Variants in ZFHX3 observed in about 807,000 individuals in gnomAD.
The protein encoded by ZFHX3 is zinc finger homeobox 3, also known as zinc finger homeobox protein 3.
Under a neutral mutation model 279.1 loss-of-function variants are expected in ZFHX3, and 42 were observed. The ratio of observed to expected loss-of-function variants is 0.15; its 90% confidence interval spans 0.12 to 0.19. The LOEUF is 0.19. Ranked by LOEUF, ZFHX3 falls within the 10% of genes least tolerant of loss-of-function variation. The pLI, the probability that ZFHX3 is intolerant of heterozygous loss-of-function variation, is 1.00. For synonymous variants in ZFHX3, 2,293 were observed against 1,957.8 expected (o/e 1.17, Z -4.52); for missense variants, 4,981 against 4,754.0 (o/e 1.05, Z -1.40).
chr16:72,920,075 G>A (rs1420504175), intron 3 of ZFHX3, among the ~76,000 whole-genome samples: 1 of 151,854 alleles, frequency 6.6e-6, no homozygotes, highest in Non-Finnish European at 1.5e-5. Context: ...TTACAGGCAT[G>A]AGCTACTGCG....
chr16:72,827,703 C>T (rs997366957), intron 5 of ZFHX3, among the ~76,000 whole-genome samples: 4 of 152,316 alleles, frequency 2.6e-5, no homozygotes, highest in African/African-American at 9.6e-5. Context: ...ACATTCAGGG[C>T]CTTCCTTTGA....
intron 2 of ZFHX3, among the ~76,000 whole-genome samples, chr16:73,539,428 T>C (rs941235387): frequency 5.3e-5 from 7 of 133,062 alleles, no homozygotes; most frequent in African/African-American, 2.2e-4. Flanking sequence ...TCCCTTCCTC[T>C]TCTTCTTTTT....
intron 1 of ZFHX3, among the ~76,000 whole-genome samples, chr16:72,980,952 AT>A (rs913545137): frequency 0.01 from 1,542 of 150,884 alleles, 22 homozygotes; most frequent in African/African-American, 0.034. Flanking sequence ...TTATACAGTA[AT>A]TTTTTTTTTC....
chr16:72,835,303 G>A (rs1051894376), intron 4 of ZFHX3, among the ~76,000 whole-genome samples: 19 of 152,098 alleles, frequency 1.2e-4, no homozygotes, highest in South Asian at 8.3e-4. Flanking sequence ...TCTGACAGGC[G>A]AGATGTGCAC....
At chr16:73,772,420 G>T (rs566784743) in intron 1 of ZFHX3, among the ~76,000 whole-genome samples, 2 of 152,130 alleles carry the variant, frequency 1.3e-5, no homozygotes, top group Non-Finnish European at 1.5e-5. Flanking sequence ...GCCATCACGC[G>T]AACAGCATGG....
chr16:73,661,131 A>G (rs1567545113), intron 2 of ZFHX3, among the ~76,000 whole-genome samples: 1 of 152,360 alleles, frequency 6.6e-6, no homozygotes, highest in East Asian at 1.9e-4. Flanking sequence ...TGACTTAAAT[A>G]AGAATATCTG....
At chr16:73,004,613 TTTCA>T (rs1298847607) in intron 1 of ZFHX3, among the ~76,000 whole-genome samples, 1 of 151,924 alleles carries the variant, frequency 6.6e-6, no homozygotes, top group Non-Finnish European at 1.5e-5. Context: ...CACCTGGCTG[TTTCA>T]TTCATTTTTA....
At chr16:73,182,351 G>T (rs1198087967) in intron 5 of ZFHX3, among the ~76,000 whole-genome samples, 12 of 152,166 alleles carry the variant, frequency 7.9e-5, no homozygotes, top group Admixed American at 7.2e-4. Context: ...CAGCTACTCG[G>T]GAGGCTGAGG....
At chr16:73,044,011 C>T (rs1965208035) in intron 1 of ZFHX3, among the ~76,000 whole-genome samples, 2 of 152,206 alleles carry the variant, frequency 1.3e-5, no homozygotes, top group Admixed American at 1.3e-4. Context: ...GTGCTCCTTT[C>T]TCAATCTGAG....
chr16:73,364,898 AG>A (rs1247452360), intron 3 of ZFHX3, among the ~76,000 whole-genome samples: 1 of 152,162 alleles, frequency 6.6e-6, no homozygotes, highest in Non-Finnish European at 1.5e-5. Flanking sequence ...CCCACGGGTG[AG>A]CCACTGAAAC....
At chr16:73,382,289 GTAAAACTT>G (rs2016829468) in intron 3 of ZFHX3, among the ~76,000 whole-genome samples, 3 of 152,162 alleles carry the variant, frequency 2.0e-5, no homozygotes, top group Admixed American at 2.0e-4. Flanking sequence ...TTATAAAAAT[GTAAAACTT>G]TTATACGACG....
At chr16:73,030,689 T>C (rs973547018) in intron 1 of ZFHX3, among the ~76,000 whole-genome samples, 3 of 151,996 alleles carry the variant, frequency 2.0e-5, no homozygotes, top group African/African-American at 4.8e-5. Context: ...CTAGAGCAGT[T>C]AGAAACTAGG....
At chr16:73,849,895 G>T (rs964531896) in intron 1 of ZFHX3, among the ~76,000 whole-genome samples, 3 of 152,148 alleles carry the variant, frequency 2.0e-5, no homozygotes, top group Non-Finnish European at 4.4e-5. Context: ...ACCATGCCCG[G>T]CTAATTTTTG....
At chr16:73,358,534 C>T (rs2016383102) in intron 3 of ZFHX3, among the ~76,000 whole-genome samples, 1 of 152,218 alleles carries the variant, frequency 6.6e-6, no homozygotes, top group South Asian at 2.1e-4. Flanking sequence ...CAAATGTAAC[C>T]TTGTGAGGAA....
intron 1 of ZFHX3, among the ~76,000 whole-genome samples, chr16:72,965,484 A>C (rs1272547480): frequency 6.6e-6 from 1 of 152,208 alleles, no homozygotes; most frequent in East Asian, 1.9e-4. Context: ...TGATTTTTAA[A>C]GAAGGACAAA....
chr16:73,325,432 C>T (rs1035187579), intron 3 of ZFHX3, among the ~76,000 whole-genome samples: 1 of 152,140 alleles, frequency 6.6e-6, no homozygotes, highest in South Asian at 2.1e-4. Context: ...GCCCTAGGAT[C>T]TGGGGTGAGT....
rs559795158 is a variant in ZFHX3 at position 73,360,186 on chromosome 16, G to T, written c.-1290-41850C>A. Among the ~76,000 whole-genome samples the T allele has an allele frequency of 2.6e-5, 4 of 152,302 alleles. No individual in the cohort carries two copies. The South Asian group carries it at 8.3e-4, about 32-fold the overall frequency. On this transcript the variant is annotated intron_variant, in intron 3 of 17. Coordinates refer to the ZFHX3 transcript ENST00000641206. ...AAGAAGTCATTGTGAGAATTAAACA[G>T]CAAGATACACGTGACAATAATAGTA... is the stretch of plus-strand genomic sequence containing the variant.
chr16:73,329,471 CG>C (rs1213673720), intron 3 of ZFHX3, among the ~76,000 whole-genome samples: 1 of 152,248 alleles, frequency 6.6e-6, no homozygotes, highest in Non-Finnish European at 1.5e-5. Context: ...ATGCCTCGAC[CG>C]GCGGAGCCAG....
At chr16:73,202,902 T>A (rs998846583) in intron 5 of ZFHX3, among the ~76,000 whole-genome samples, 6 of 108,326 alleles carry the variant, frequency 5.5e-5, no homozygotes, top group African/African-American at 3.0e-4. Flanking sequence ...CATCTTTCTT[T>A]CTTTCTTTTT....
Sources: allele counts gnomAD v4.1 joint callset (sites outside exome capture counted in the v4.1 genomes callset), GRCh38; gene constraint gnomAD v4.1.1; transcripts MANE v1.5; gene names NCBI Gene and HGNC (gene_info 2026-07-23, HGNC 2026-07-21).